DGLUCY: variants seen among roughly 807,000 people sequenced by gnomAD.
The protein encoded by DGLUCY is D-glutamate cyclase, mitochondrial.
Under a neutral mutation model 58.5 loss-of-function variants are expected in DGLUCY, and 58 were observed. That is an observed-to-expected ratio of 0.99 (90% confidence interval 0.80 to 1.23). The LOEUF is 1.23. Ranked by LOEUF, DGLUCY falls within the 50% of genes most tolerant of loss-of-function variation. DGLUCY has a pLI of 0.00. For synonymous variants in DGLUCY, 325 were observed against 314.1 expected, an observed-to-expected ratio of 1.03 and a Z score of -0.37; for missense variants, 779 against 784.7, an observed-to-expected ratio of 0.99 and a Z score of 0.09.
Position 91,207,872 on chromosome 14 carries a change from G to T in DGLUCY, c.1564+3047G>T, listed in dbSNP as rs569938401. On this transcript the variant is annotated intron_variant, in intron 12 of 13. Coordinates refer to ENST00000256324, the MANE Select transcript of DGLUCY (RefSeq NM_001102368.3). Reference sequence around the variant, plus strand: ...AGCGATTCTCCTGCCTCAGCCTCCCGAGTAGCTGGGATTACAGGCATGCGC... The same window carrying T: ...AGCGATTCTCCTGCCTCAGCCTCCCTAGTAGCTGGGATTACAGGCATGCGC... Among the ~76,000 whole-genome samples the T allele has an allele frequency of 5.9e-5, 9 of 151,822 alleles. No individual in the cohort carries two copies. The East Asian group carries it at 1.5e-3, about 26-fold the overall frequency.
intron 2 of DGLUCY, among the ~76,000 whole-genome samples, chr14:91,159,765 C>T (rs1005527096): frequency 3.3e-5 from 5 of 152,244 alleles, no homozygotes; most frequent in Admixed American, 2.0e-4. Context: ...ATTTCACTTG[C>T]GATTGCGGTG....
At chr14:91,219,121 A>C (rs1295499178) in intron 13 of DGLUCY, among the ~76,000 whole-genome samples, 1 of 151,990 alleles carries the variant, frequency 6.6e-6, no homozygotes, top group African/African-American at 2.4e-5. Flanking sequence ...CGGAGGTTGC[A>C]GTGAGCCATG....
chr14:91,074,118 T>TACACACACACACAC lies in DGLUCY; in HGVS notation c.-82+13444_-82+13457dup, dbSNP rs3086753. On this transcript the variant is annotated intron_variant, in intron 1 of 4. Coordinates refer to the DGLUCY transcript ENST00000521334. ...CAAAAAAAAAAAATATATATATATA[T>TACACACACACACAC]ACACACACACACACACACACACACA... Among the ~76,000 whole-genome samples, 380 of 70,312 alleles carry TACACACACACACAC rather than the reference T, an allele frequency of 5.4e-3. 2 individuals are homozygous for TACACACACACACAC. Among genetic ancestry groups the TACACACACACACAC allele is most frequent in the Admixed American group, 6.9e-3 (32 of 4,634 alleles). 46.1% of individuals were successfully genotyped at this position (70,312 alleles called of 152,430 possible).
chr14:91,121,948 G>A (rs2045390600), intron 1 of DGLUCY, among the ~76,000 whole-genome samples: 1 of 152,188 alleles, frequency 6.6e-6, no homozygotes, highest in African/African-American at 2.4e-5. Context: ...ATCTAACAGA[G>A]TGCTCAACAC....
chr14:91,207,041 C>T (rs1467868190), intron 12 of DGLUCY, among the ~76,000 whole-genome samples: 1 of 149,854 alleles, frequency 6.7e-6, no homozygotes, highest in Non-Finnish European at 1.5e-5. Flanking sequence ...ACCTATAGTC[C>T]TGGCTACGTG....
chr14:91,140,420 C>CCTTTGGGTTA (rs1481538884), intron 1 of DGLUCY, among the ~76,000 whole-genome samples: 3 of 152,144 alleles, frequency 2.0e-5, no homozygotes, highest in Admixed American at 6.6e-5. Context: ...GCCTGTAACC[C>CCTTTGGGTTA]CAGCACTTTG....
intron 8 of DGLUCY, among the ~76,000 whole-genome samples, chr14:91,183,895 C>T (rs1307579930): frequency 6.6e-6 from 1 of 152,124 alleles, no homozygotes; most frequent in Admixed American, 6.6e-5. Context: ...GTTCACACCC[C>T]AGTCCCTCTT....
At chr14:91,067,095 A>AAG (rs2043835899) in intron 1 of DGLUCY, among the ~76,000 whole-genome samples, 1 of 151,530 alleles carries the variant, frequency 6.6e-6, no homozygotes. Flanking sequence ...AAAAAAAAAA[A>AAG]AAAAGAAAGA....
chr14:91,163,846 A>G (rs2048126283), intron 3 of DGLUCY, among the ~76,000 whole-genome samples: 1 of 152,224 alleles, frequency 6.6e-6, no homozygotes, highest in South Asian at 2.1e-4. Flanking sequence ...AAAAGCACTC[A>G]GTAAATATTA....
intron 1 of DGLUCY, among the ~76,000 whole-genome samples, chr14:91,082,197 GGTATTT>G (rs1304600457): frequency 6.6e-6 from 1 of 151,894 alleles, no homozygotes; most frequent in Non-Finnish European, 1.5e-5. Context: ...GCATGTAGAG[GGTATTT>G]GTCAGTTTGA....
At position 91,173,282 on chromosome 14, in the gene DGLUCY, T is replaced by C. The variant is rs78584202; in HGVS notation, c.457-7T>C. The C allele has an allele frequency of 4.3e-6, 7 of 1,610,512 alleles. No homozygotes were observed. Among genetic ancestry groups the C allele is most frequent in the Non-Finnish European group, 5.1e-6 (6 of 1,179,242 alleles). ...TTTTCACTTGATTTTTTTTTTTTTT[T>C]GGTCAGACAACAGTGCCTTGTGTTA... On this transcript the variant is annotated splice_polypyrimidine_tract_variant and splice_region_variant and intron_variant, in intron 5 of 13. Coordinates refer to ENST00000256324, the MANE Select transcript of DGLUCY (RefSeq NM_001102368.3).
At chr14:91,173,105 C>G (rs1226348894) in intron 5 of DGLUCY, among the ~76,000 whole-genome samples, 184 bp from the exon 6 acceptor site, 1 of 152,134 alleles carries the variant, frequency 6.6e-6, no homozygotes, top group Non-Finnish European at 1.5e-5. Context: ...TTAAGATTCC[C>G]TATTTTAAAC....
intron 1 of DGLUCY, among the ~76,000 whole-genome samples, chr14:91,148,097 T>A (rs4387537): frequency 4.6e-5 from 7 of 152,258 alleles, no homozygotes; most frequent in Admixed American, 3.3e-4. Flanking sequence ...TCGCTTGAAC[T>A]AAGTAGGTGG....
At chr14:91,162,917 GAAAC>G (rs2048072610) in intron 3 of DGLUCY, among the ~76,000 whole-genome samples, 2 of 148,952 alleles carry the variant, frequency 1.3e-5, no homozygotes, top group South Asian at 4.2e-4. Context: ...AAAAAAAAAG[GAAAC>G]AAAGAAGCTT....
chr14:91,074,405 G>C (rs1343667600), intron 1 of DGLUCY, among the ~76,000 whole-genome samples: 1 of 151,400 alleles, frequency 6.6e-6, no homozygotes, highest in Non-Finnish European at 1.5e-5. Flanking sequence ...CTTGAACCCA[G>C]GAGTTCGAGG....
chr14:91,080,332 A>G (rs570155928), intron 1 of DGLUCY, among the ~76,000 whole-genome samples: 57 of 152,338 alleles, frequency 3.7e-4, no homozygotes, highest in Middle Eastern at 3.4e-3. Flanking sequence ...CGAATCATAC[A>G]GTAAGTCTGT....
chr14:91,194,154 C>T (rs2050068450), intron 9 of DGLUCY, among the ~76,000 whole-genome samples: 1 of 152,192 alleles, frequency 6.6e-6, no homozygotes. Flanking sequence ...GACGGCCAGC[C>T]AGGTAGTTAG....
At chr14:91,113,327 C>T (rs181549553), upstream of DGLUCY, among the ~76,000 whole-genome samples, 2 of 152,200 alleles carry the variant, frequency 1.3e-5, no homozygotes, top group East Asian at 1.9e-4. Context: ...AAAAGTTATA[C>T]AAGAATTTTC....
At chr14:91,206,462 A>G (rs1884720241) in intron 12 of DGLUCY, among the ~76,000 whole-genome samples, 1 of 151,966 alleles carries the variant, frequency 6.6e-6, no homozygotes, top group Admixed American at 6.6e-5. Context: ...AGCTCACTGC[A>G]ACTTCTGCCT....
Sources: gnomAD v4.1 joint callset for allele counts (sites outside exome capture counted in the v4.1 genomes callset) on GRCh38, gnomAD v4.1.1 for gene constraint, MANE v1.5 for transcripts, NCBI Gene and HGNC (gene_info 2026-07-23, HGNC 2026-07-21) for gene names.